CLUL1: variants seen among roughly 807,000 people sequenced by gnomAD.
The protein encoded by CLUL1 is clusterin like 1.
CLUL1 carries 43 observed loss-of-function variants against 49.4 expected under a neutral mutation model. That is an observed-to-expected ratio of 0.87 (90% confidence interval 0.68 to 1.12). The LOEUF (loss-of-function observed/expected upper bound fraction) is 1.12. CLUL1 is among the 50% of genes most tolerant of loss of function. The probability of loss-of-function intolerance (pLI) is 0.00; values close to 1 mark genes in which losing one functional copy is unlikely to be tolerated. For missense variants in CLUL1, 486 were observed against 544.4 expected, an observed-to-expected ratio of 0.89 and a Z score of 1.07; for synonymous variants, 192 against 184.9, an observed-to-expected ratio of 1.04 and a Z score of -0.31.
At chr18:617,898 A>G in intron 2 of CLUL1, 90 bp from the exon 3 acceptor site, 2 of 1,027,576 alleles carry the variant, frequency 1.9e-6, no homozygotes, top group Non-Finnish European at 2.9e-6. Flanking sequence ...TGACAGAAAA[A>G]TGCTTTGGAG....
intron 7 of CLUL1, among the ~76,000 whole-genome samples, chr18:633,825 TCGGAA>T (rs2074060864): frequency 8.7e-6 from 1 of 115,550 alleles, no homozygotes; most frequent in Non-Finnish European, 1.8e-5. Context: ...GAGCGTGTAA[TCGGAA>T]TGAATCAGGG....
chr18:635,903 AT>A (rs1217125597), intron 7 of CLUL1, among the ~76,000 whole-genome samples: 2 of 152,080 alleles, frequency 1.3e-5, no homozygotes, highest in African/African-American at 4.8e-5. Context: ...TACCTGGCTG[AT>A]TTTTGTATTT....
At chr18:609,352 T>C (rs988475293) in intron 2 of CLUL1, among the ~76,000 whole-genome samples, 1 of 152,096 alleles carries the variant, frequency 6.6e-6, no homozygotes, top group African/African-American at 2.4e-5. Flanking sequence ...TAGTAAAAAA[T>C]ATGACATATA....
At chr18:632,811 T>C (rs1281731672) in intron 6 of CLUL1, among the ~76,000 whole-genome samples, 2 of 152,208 alleles carry the variant, frequency 1.3e-5, no homozygotes, top group Admixed American at 6.5e-5. Context: ...TTAATAGCTG[T>C]TCAGTTGTCC....
chr18:624,832 G>A (rs1234090520), intron 4 of CLUL1, 33 bp from the exon 5 acceptor site: 35 of 1,606,386 alleles, frequency 2.2e-5, no homozygotes, highest in Non-Finnish European at 2.8e-5. Context: ...ATTATGAAAT[G>A]GAAATTGGAC....
chr18:618,171 A>G lies in CLUL1; in HGVS notation c.106+65A>G. 2.6e-6 allele frequency: 3 copies of G among 1,172,960 alleles called. No individual in the cohort carries two copies. Among genetic ancestry groups the G allele is most frequent in the South Asian group, 1.3e-5 (1 of 79,922 alleles). The allele number at this position is 1,172,960 out of a possible 1,614,324, so 72.7% of individuals were successfully genotyped here. On this transcript the variant is annotated intron_variant, in intron 3 of 9. Transcript: ENST00000692774. The surrounding 1 kb of genome is among the most constrained non-coding windows in gnomAD (Gnocchi z 4.2). The stretch of plus-strand genomic sequence containing the variant: ...TGTTGGTTGTCCTGCTGGCGTTTAT[A>G]GTGAGTCGCAGTTGAGAGATAACCA...
At chr18:605,469 A>T (rs2072945057) in intron 1 of CLUL1, among the ~76,000 whole-genome samples, 1 of 152,154 alleles carries the variant, frequency 6.6e-6, no homozygotes, top group African/African-American at 2.4e-5. Flanking sequence ...GTGTACAAAA[A>T]ATACAAAAAT....
rs1408891092 is a variant in CLUL1, at chr18:618,792, T to C, written c.107-421T>C. On this transcript the variant is annotated intron_variant, in intron 3 of 9. Coordinates refer to ENST00000692774, the MANE Select transcript of CLUL1 (RefSeq NM_001393344.1). This position sits in a 1 kb window ranked among gnomAD's most constrained non-coding sequence, Gnocchi z 4.2. Reference sequence around the variant, plus strand: ...TGGGATACTTTCTAGGTCTCGTGCCTCCTTATTAGGTAACTGAAGCTGAAA... The same window carrying C: ...TGGGATACTTTCTAGGTCTCGTGCCCCCTTATTAGGTAACTGAAGCTGAAA... Among the ~76,000 whole-genome samples the C allele has an allele frequency of 1.3e-5, 2 of 152,202 alleles. No individual in the cohort carries two copies. Among genetic ancestry groups the C allele is most frequent in the Admixed American group, 1.3e-4 (2 of 15,278 alleles).
intron 4 of CLUL1, among the ~76,000 whole-genome samples, chr18:624,521 G>A (rs1042308158): frequency 2.6e-5 from 4 of 152,108 alleles, no homozygotes; most frequent in Admixed American, 6.6e-5. Flanking sequence ...CAGACTTACC[G>A]GTAAATAGGT....
intron 2 of CLUL1, 107 bp downstream of exon 2, chr18:607,206 C>A: frequency 4.6e-6 from 3 of 656,990 alleles, no homozygotes; most frequent in East Asian, 2.8e-5. Context: ...CAGCTCACTG[C>A]AACTTCTGCC....
Position 607,013 on chromosome 18 carries a change from G to A in CLUL1, c.-100G>A, listed in dbSNP as rs1043904272. The A allele has an allele frequency of 3.1e-5, 21 of 685,288 alleles. No individual in the cohort carries two copies. In the African/African-American group the frequency reaches 3.7e-4, roughly 12 times the overall value. 42.5% of individuals were successfully genotyped at this position (685,288 alleles called of 1,614,324 possible). A position where few individuals can be genotyped will look rare whatever the true frequency, so the allele number is the denominator to read the frequency against. On this transcript the variant is annotated 5_prime_UTR_variant, in exon 2 of 10. The change creates a new upstream start codon in the 5' untranslated region. Coordinates refer to ENST00000692774, the MANE Select transcript of CLUL1 (RefSeq NM_001393344.1). ...CTCTCGGTTGCCAGGCTGGAGTTCA[G>A]TGGCATGTTCATAGCTCACTGAAGC... is the stretch of plus-strand genomic sequence containing the variant.
rs562766916 is a variant in CLUL1, at chr18:604,915, G to A, written c.-135-2063G>A. On this transcript the variant is annotated intron_variant, in intron 1 of 9. Transcript: ENST00000692774. ...GGCATGAATTCCTGGTGGCTCCACCGCCCTCCCCCAGTGCGTATGTGGGAC... is the reference window on the plus strand; with the variant it reads ...GGCATGAATTCCTGGTGGCTCCACCACCCTCCCCCAGTGCGTATGTGGGAC... Among the ~76,000 whole-genome samples, 75 of 152,256 alleles carry A rather than the reference G, an allele frequency of 4.9e-4. 1 individual carries two copies. The South Asian group carries it at 0.015, about 30-fold the overall frequency.
At chr18:635,448 A>T (rs1484435959) in intron 7 of CLUL1, among the ~76,000 whole-genome samples, 1 of 152,182 alleles carries the variant, frequency 6.6e-6, no homozygotes, top group Non-Finnish European at 1.5e-5. Context: ...AAGAGGCTAC[A>T]GGCTGATATG....
intron 5 of CLUL1, among the ~76,000 whole-genome samples, chr18:626,119 A>AT (rs944271795): frequency 2.8e-4 from 42 of 151,850 alleles, no homozygotes; most frequent in Admixed American, 8.5e-4. Context: ...TCTTTTCTTT[A>AT]TTTTTTTTCA....
rs1282740807 is a variant in CLUL1 at position 627,475 on chromosome 18, G to A, written c.802G>A (p.Glu268Lys). The change falls in exon 6 of 10, where the codon GAA becomes AAA. Residue 268 changes from glutamate to lysine, a missense_variant. Glu to Lys is a moderately conservative substitution (Grantham distance 56, BLOSUM62 1). Coordinates refer to ENST00000692774, the MANE Select transcript of CLUL1 (RefSeq NM_001393344.1). ...TGTCTCTATTTATGAAAGTGTCAGT[G>A]AAACAATTACTAAGATGCTGAAGGC... ...FSVSIYESVS[E>K]TITKMLKAIE... The A allele has an allele frequency of 6.2e-7, 1 of 1,613,486 alleles. No individual in the cohort carries two copies. Among genetic ancestry groups the A allele is most frequent in the Non-Finnish European group, 8.5e-7 (1 of 1,179,536 alleles).
intron 1 of CLUL1, chr18:598,380 G>A: frequency 2.5e-6 from 1 of 392,628 alleles, no homozygotes; most frequent in Non-Finnish European, 4.5e-6. Context: ...TGTTTCCCAA[G>A]TCTTCCTCTC....
intron 4 of CLUL1, among the ~76,000 whole-genome samples, chr18:623,490 C>A (rs1453689744): frequency 6.6e-6 from 1 of 151,772 alleles, no homozygotes; most frequent in Non-Finnish European, 1.5e-5. Flanking sequence ...ACTAAACATA[C>A]AAAAATTAGC....
intron 1 of CLUL1, chr18:598,382 C>A: frequency 2.5e-6 from 1 of 392,888 alleles, no homozygotes. Flanking sequence ...TTTCCCAAGT[C>A]TTCCTCTCCA....
chr18:643,640 C>G (rs2074399880), intron 8 of CLUL1, among the ~76,000 whole-genome samples: 1 of 152,152 alleles, frequency 6.6e-6, no homozygotes, highest in African/African-American at 2.4e-5. Context: ...ATTCTTTATG[C>G]TGATAACAAA....
Sources: gnomAD v4.1 joint callset for allele counts (sites outside exome capture counted in the v4.1 genomes callset) on GRCh38, gnomAD v4.1.1 for gene constraint, Gnocchi (gnomAD v3.1) non-coding constraint, MANE v1.5 for transcripts, NCBI Gene and HGNC (gene_info 2026-07-23, HGNC 2026-07-21) for gene names.